The following FOXN3 variants were observed in gnomAD, a reference collection of about 807,000 sequenced individuals.
The protein encoded by FOXN3 is forkhead box protein N3.
A neutral mutation model predicts 38.4 loss-of-function variants in FOXN3; 7 were observed. That is an observed-to-expected ratio of 0.18 (90% CI 0.10 to 0.34). The LOEUF (loss-of-function observed/expected upper bound fraction) is 0.34. Among genes scored for constraint, FOXN3 ranks in the 10% least tolerant of loss-of-function variants. The pLI is 1.00. For synonymous variants in FOXN3, 230 were observed against 242.2 expected (o/e 0.95, Z 0.47); for missense variants, 456 against 613.4 (o/e 0.74, Z 2.71).
At chr14:89,416,703 G>C (rs1891741645) in intron 1 of FOXN3, among the ~76,000 whole-genome samples, 168 bp downstream of exon 1, 1 of 152,126 alleles carries the variant, frequency 6.6e-6, no homozygotes, top group Admixed American at 6.5e-5. Flanking sequence ...GCAACTTCCC[G>C]GCTCGGGGGC....
At chr14:89,469,910 C>T (rs1893056739) in intron 1 of FOXN3, among the ~76,000 whole-genome samples, 1 of 152,246 alleles carries the variant, frequency 6.6e-6, no homozygotes, top group Non-Finnish European at 1.5e-5. Flanking sequence ...GAGTTGGTCG[C>T]CACGGGCTTC....
rs1325232748 is a variant in FOXN3 at position 89,157,666 on chromosome 14, C to A, written c.*4748G>T. ...GTGTTAACTGCAATATAAACCAAGT[C>A]CAGAGTTTGGCAGGTAACTAAAAGA... is the stretch of plus-strand genomic sequence containing the variant. On this transcript the variant is annotated 3_prime_UTR_variant, in exon 6 of 6. Coordinates refer to ENST00000557258, the MANE Select transcript of FOXN3 (RefSeq NM_005197.4). 2.0e-5 allele frequency: 3 copies of A among 152,524 alleles called. No individual in the cohort carries two copies. 9.4% of individuals were successfully genotyped at this position (152,524 alleles called of 1,614,324 possible). A position where few individuals can be genotyped will look rare whatever the true frequency, so the allele number is the denominator to read the frequency against.
chr14:89,216,829 C>T (rs1299854861), intron 4 of FOXN3, among the ~76,000 whole-genome samples: 2 of 152,214 alleles, frequency 1.3e-5, no homozygotes, highest in Admixed American at 1.3e-4. Context: ...ATCCACAATC[C>T]TCATTGTTCC....
intron 2 of FOXN3, among the ~76,000 whole-genome samples, chr14:89,390,313 C>CTACA (rs1890907896): frequency 7.0e-6 from 1 of 143,560 alleles, no homozygotes; most frequent in African/African-American, 2.5e-5. Context: ...CTCTCTCTCT[C>CTACA]TATATATATA....
At chr14:89,455,369 A>G (rs901756219) in intron 1 of FOXN3, among the ~76,000 whole-genome samples, 1 of 152,224 alleles carries the variant, frequency 6.6e-6, no homozygotes, top group Non-Finnish European at 1.5e-5. Flanking sequence ...ATACAAATAC[A>G]TTTTAGGTTC....
At chr14:89,528,247 A>T (rs1304463183) in intron 1 of FOXN3, among the ~76,000 whole-genome samples, 2 of 152,142 alleles carry the variant, frequency 1.3e-5, no homozygotes, top group African/African-American at 4.8e-5. Context: ...TGATAGCCCT[A>T]AACTGGAAAC....
intron 3 of FOXN3, among the ~76,000 whole-genome samples, chr14:89,336,143 C>T (rs941004131): frequency 4.1e-4 from 54 of 131,804 alleles, no homozygotes; most frequent in South Asian, 7.6e-4. Flanking sequence ...TCCTTACACA[C>T]ACACACACAC....
At chr14:89,609,456 T>G (rs1370201797) in intron 1 of FOXN3, among the ~76,000 whole-genome samples, 2 of 152,104 alleles carry the variant, frequency 1.3e-5, no homozygotes, top group African/African-American at 4.8e-5. Flanking sequence ...ACAACAACAT[T>G]GACAACATAA....
At chr14:89,404,111 G>A (rs558945759) in intron 2 of FOXN3, among the ~76,000 whole-genome samples, 2 of 152,246 alleles carry the variant, frequency 1.3e-5, no homozygotes, top group East Asian at 3.9e-4. Flanking sequence ...GAATGAATGA[G>A]CAGACAAATG....
rs1221380735 is a variant in FOXN3 at position 89,532,397 on chromosome 14, G to C, written c.-15+86631C>G. Among the ~76,000 whole-genome samples, 57 of 152,100 alleles carry C rather than the reference G, an allele frequency of 3.7e-4. 1 individual carries two copies. The highest frequency in any genetic ancestry group is 3.7e-3 in the Admixed American group (57 of 15,254). ...AACATAGAAGCTTTCTTGTTGACAA[G>C]GTACAATATATATACCACCAGCATA... is the stretch of plus-strand genomic sequence containing the variant. On this transcript the variant is annotated intron_variant, in intron 1 of 6. Transcript: ENST00000345097.
Position 89,575,835 on chromosome 14 carries a change from A to G in FOXN3, c.-15+43193T>C, listed in dbSNP as rs72705429. Among the ~76,000 whole-genome samples the G allele has an allele frequency of 2.3e-3, 349 of 152,308 alleles. 1 individual carries two copies. Among genetic ancestry groups the G allele is most frequent in the Admixed American group, 3.6e-3 (55 of 15,296 alleles). ...GTCGTGGCCATGTGATTGGCTCCCA[A>G]TGCTGGGCTGGGGCTGGCAACCGCC... is the stretch of plus-strand genomic sequence containing the variant. On this transcript the variant is annotated intron_variant, in intron 1 of 6. Transcript: ENST00000345097.
intron 4 of FOXN3, among the ~76,000 whole-genome samples, chr14:89,238,969 T>C (rs1206160393): frequency 6.6e-6 from 1 of 152,156 alleles, no homozygotes; most frequent in East Asian, 1.9e-4. Flanking sequence ...TAATTAACAT[T>C]CACCCAGCTA....
At chr14:89,535,123 TTC>T (rs1894657738) in intron 1 of FOXN3, among the ~76,000 whole-genome samples, 1 of 152,226 alleles carries the variant, frequency 6.6e-6, no homozygotes, top group Admixed American at 6.5e-5. Context: ...ATGGAGCATT[TTC>T]TCTTTATGAT....
chr14:89,333,981 T>C (rs1204745217), intron 3 of FOXN3, among the ~76,000 whole-genome samples: 3 of 9,588 alleles, frequency 3.1e-4, no homozygotes, highest in Non-Finnish European at 7.6e-4. Context: ...TATATATATA[T>C]ATATATATAT....
At chr14:89,317,047 G>A (rs905635269) in intron 3 of FOXN3, among the ~76,000 whole-genome samples, 2 of 152,196 alleles carry the variant, frequency 1.3e-5, no homozygotes, top group African/African-American at 4.8e-5. Context: ...CTATGCAGTA[G>A]AACCTGCACC....
At chr14:89,238,267 C>G (rs1348153075) in intron 4 of FOXN3, among the ~76,000 whole-genome samples, 2 of 152,126 alleles carry the variant, frequency 1.3e-5, no homozygotes, top group Non-Finnish European at 2.9e-5. Flanking sequence ...CTGTGTTTAC[C>G]CGGTCCCTAC....
rs536156301 is a variant in FOXN3, at chr14:89,157,603, T to C, written c.*4811A>G. ...ATATACTTTGATTTACACATTCCGTTACAAAGGAAAAAAAGACACCATTAC... is the reference window on the plus strand; with the variant it reads ...ATATACTTTGATTTACACATTCCGTCACAAAGGAAAAAAAGACACCATTAC... On this transcript the variant is annotated 3_prime_UTR_variant, in exon 6 of 6. Transcript: ENST00000557258. The C allele has an allele frequency of 6.5e-6, 1 of 152,702 alleles. No individual in the cohort carries two copies. The highest frequency in any genetic ancestry group is 1.9e-4 in the East Asian group (1 of 5,192). The allele number at this position is 152,702 out of a possible 1,614,324, so 9.5% of individuals were successfully genotyped here. A position where few individuals can be genotyped will look rare whatever the true frequency, so the allele number is the denominator to read the frequency against.
chr14:89,324,989 A>G (rs572256313), intron 3 of FOXN3, among the ~76,000 whole-genome samples: 133 of 152,306 alleles, frequency 8.7e-4, no homozygotes, highest in Middle Eastern at 3.4e-3. Context: ...GCTGTCCAAC[A>G]TGGTAGCCTC....
At chr14:89,540,601 T>C (rs1449641888) in intron 1 of FOXN3, among the ~76,000 whole-genome samples, 1 of 151,922 alleles carries the variant, frequency 6.6e-6, no homozygotes, top group East Asian at 1.9e-4. Flanking sequence ...TAGCCGAGCG[T>C]GGTCGCACGC....
Sources: gnomAD v4.1 joint callset for allele counts (sites outside exome capture counted in the v4.1 genomes callset) on GRCh38, gnomAD v4.1.1 for gene constraint, MANE v1.5 for transcripts, NCBI Gene and HGNC (gene_info 2026-07-23, HGNC 2026-07-21) for gene names.